USP9Y: variants seen among roughly 807,000 people sequenced by gnomAD.
The protein encoded by USP9Y is ubiquitin specific peptidase 9 Y-linked, also known as ubiquitin carboxyl-terminal hydrolase 9Y.
In USP9Y, 41 loss-of-function variants were observed where a neutral mutation model predicts 53.1. That is an observed-to-expected ratio of 0.77 (90% CI 0.60 to 1.00). The LOEUF (loss-of-function observed/expected upper bound fraction) is 1.00. USP9Y is among the 50% of genes least tolerant of loss of function. The pLI, the probability that USP9Y is intolerant of heterozygous loss-of-function variation, is 0.00. For missense variants in USP9Y, 567 were observed against 535.8 expected (o/e 1.06, Z -0.58); for synonymous variants, 220 against 173.7 (o/e 1.27, Z -2.09).
In USP9Y at chrY:12,828,224, A is replaced by G. The variant is rs1603202743; in HGVS notation, c.5022-5464A>G. 3.0e-4 allele frequency among the ~76,000 whole-genome samples: 10 copies of G among 33,053 alleles called. No homozygotes were observed. The East Asian group carries it at 7.1e-3, about 23-fold the overall frequency. 88.7% of individuals were successfully genotyped at this position (33,053 alleles called of 37,273 possible). On this transcript the variant is annotated intron_variant, in intron 33 of 45. Transcript: ENST00000338981. Reference sequence around the variant, plus strand: ...AAGTTTTTATTAAGATTCTTCAAGAACTACTTTGCTTGATAGCAAAATATG... The same window carrying G: ...AAGTTTTTATTAAGATTCTTCAAGAGCTACTTTGCTTGATAGCAAAATATG...
intron 27 of USP9Y, among the ~76,000 whole-genome samples, chrY:12,795,807 C>T: frequency 6.0e-5 from 2 of 33,125 alleles, no homozygotes; most frequent in Admixed American, 2.8e-4. Context: ...ATGGTTGCCA[C>T]GGTATTTGTA....
At chrY:12,732,098 A>G (rs898091595) in intron 7 of USP9Y, among the ~76,000 whole-genome samples, 3 of 32,575 alleles carry the variant, frequency 9.2e-5, no homozygotes, top group Non-Finnish European at 1.5e-4. Context: ...TATTTTGGCC[A>G]CTATTTCTGC....
At chrY:12,830,817 C>T (rs2053550178) in intron 33 of USP9Y, among the ~76,000 whole-genome samples, 1 of 33,362 alleles carries the variant, frequency 3.0e-5, no homozygotes, top group Non-Finnish European at 7.4e-5. Flanking sequence ...TGTGATGTTA[C>T]ATGTATAAAT....
At chrY:12,824,973 C>A (rs953824590) in intron 33 of USP9Y, among the ~76,000 whole-genome samples, 7 of 32,819 alleles carry the variant, frequency 2.1e-4, no homozygotes, top group Non-Finnish European at 3.0e-4. Flanking sequence ...GTAGCCTGGT[C>A]TGGAATGCAG....
chrY:12,784,479 G>A (rs749283356), intron 22 of USP9Y, among the ~76,000 whole-genome samples: 1 of 33,280 alleles, frequency 3.0e-5, no homozygotes, highest in African/African-American at 1.2e-4. Context: ...CCTCTTTGCC[G>A]ATTGGAAATG....
chrY:12,729,745 C>G, intron 7 of USP9Y, among the ~76,000 whole-genome samples: 1 of 33,317 alleles, frequency 3.0e-5, no homozygotes, highest in Non-Finnish European at 7.4e-5. Context: ...GCTGTTGATT[C>G]CTAGTTTCCT....
At chrY:12,845,730 G>C in intron 39 of USP9Y, among the ~76,000 whole-genome samples, 1 of 32,148 alleles carries the variant, frequency 3.1e-5, no homozygotes, top group African/African-American at 1.2e-4. Flanking sequence ...TCGCTTAGTC[G>C]CCCAGGCTGG....
At chrY:12,720,992 G>C in intron 4 of USP9Y, 1 of 103,790 alleles carries the variant, frequency 9.6e-6, no homozygotes, top group Non-Finnish European at 1.9e-5. Context: ...TCAGATTAAT[G>C]ATGCTTTATG....
intron 42 of USP9Y, among the ~76,000 whole-genome samples, chrY:12,854,900 AC>A (rs2053574535): frequency 3.0e-5 from 1 of 33,875 alleles, no homozygotes; most frequent in Non-Finnish European, 7.3e-5. Context: ...TATTCAGTAA[AC>A]AGTATTCAAC....
At chrY:12,827,688 G>A in intron 33 of USP9Y, among the ~76,000 whole-genome samples, 1 of 33,671 alleles carries the variant, frequency 3.0e-5, no homozygotes, top group Non-Finnish European at 7.4e-5. Context: ...GGCTGGGCGC[G>A]GTCATGGCTC....
chrY:12,716,263 T>A (rs2053430556), intron 3 of USP9Y, among the ~76,000 whole-genome samples: 1 of 33,895 alleles, frequency 3.0e-5, no homozygotes, highest in Non-Finnish European at 7.3e-5. Flanking sequence ...ACAGAAAAAA[T>A]TTAGTAAAAA....
At chrY:12,754,394 A>ATTTTTAAATT (rs2053466575) in intron 12 of USP9Y, among the ~76,000 whole-genome samples, 1 of 31,223 alleles carries the variant, frequency 3.2e-5, no homozygotes, top group Admixed American at 3.1e-4. Flanking sequence ...TGTCCAGCTA[A>ATTTTTAAATT]TTTTTAAATT....
At chrY:12,718,000 T>C in intron 3 of USP9Y, among the ~76,000 whole-genome samples, 3 of 33,162 alleles carry the variant, frequency 9.0e-5, no homozygotes, top group Admixed American at 5.4e-4. Context: ...TGGCATAATA[T>C]CCTGATAGGA....
chrY:12,725,307 T>C, intron 6 of USP9Y, 82 bp downstream of exon 6: 1 of 189,820 alleles, frequency 5.3e-6, no homozygotes, highest in Non-Finnish European at 9.6e-6. Context: ...CTTCTGTGCG[T>C]AACATATTAA....
intron 12 of USP9Y, among the ~76,000 whole-genome samples, chrY:12,743,741 A>G (rs2053458493): frequency 3.0e-5 from 1 of 33,856 alleles, no homozygotes; most frequent in Admixed American, 2.7e-4. Flanking sequence ...CATCTGTATT[A>G]TATCCAGGTT....
intron 16 of USP9Y, among the ~76,000 whole-genome samples, chrY:12,771,766 G>GT (rs2053486143): frequency 5.5e-3 from 155 of 28,060 alleles, no homozygotes; most frequent in African/African-American, 0.02. Flanking sequence ...CATAAAGTCT[G>GT]TTTTTTTTTT....
rs2053583438 is a variant in USP9Y at position 12,860,744 on chromosome Y, G to C, written c.*1328G>C. 3.0e-5 allele frequency: 1 copy of C among 33,760 alleles called. No homozygotes were observed. Among genetic ancestry groups the C allele is most frequent in the Non-Finnish European group, 7.4e-5 (1 of 13,585 alleles). The allele number at this position is 33,760 out of a possible 400,897, so 8.4% of individuals were successfully genotyped here. On this transcript the variant is annotated 3_prime_UTR_variant, in exon 46 of 46. Transcript: ENST00000338981. ...ACCTGTTTAAAAACCAAATATACCTGCAAATAGATACAGCCTATCCTATAC... is the reference window on the plus strand; with the variant it reads ...ACCTGTTTAAAAACCAAATATACCTCCAAATAGATACAGCCTATCCTATAC...
chrY:12,853,015 C>T (rs988275938), intron 42 of USP9Y, among the ~76,000 whole-genome samples: 2 of 33,635 alleles, frequency 5.9e-5, no homozygotes, highest in Admixed American at 5.3e-4. Flanking sequence ...AGGAGGCAAA[C>T]TGTCCATTCT....
chrY:12,828,994 AT>A lies in USP9Y; in HGVS notation c.5022-4685del, dbSNP rs768297727. On this transcript the variant is annotated intron_variant, in intron 33 of 45. Coordinates refer to ENST00000338981, the MANE Select transcript of USP9Y (RefSeq NM_004654.4). ...AATTGATAGAAAAAAACTCACAACG[AT>A]TTTTTTTTCCCACAAGACCATGCAG... is the stretch of plus-strand genomic sequence containing the variant. Among the ~76,000 whole-genome samples, 6 of 32,354 alleles carry A rather than the reference AT, an allele frequency of 1.9e-4. No individual in the cohort carries two copies. The South Asian group carries it at 2.1e-3, about 11-fold the overall frequency. The allele number at this position is 32,354 out of a possible 37,273, so 86.8% of individuals were successfully genotyped here.
Sources: allele counts gnomAD v4.1 joint callset (sites outside exome capture counted in the v4.1 genomes callset), GRCh38; gene constraint gnomAD v4.1.1; transcripts MANE v1.5; gene names NCBI Gene and HGNC (gene_info 2026-07-23, HGNC 2026-07-21).